Variants in HSPA4L observed in about 807,000 individuals in gnomAD.
The protein encoded by HSPA4L is heat shock 70 kDa protein 4L.
In HSPA4L, 48 loss-of-function variants were observed where a neutral mutation model predicts 100.3. That is an observed-to-expected ratio of 0.48 (90% CI 0.38 to 0.61). HSPA4L has a LOEUF of 0.61. Ranked by LOEUF, HSPA4L falls within the 20% of genes least tolerant of loss-of-function variation. The probability of loss-of-function intolerance (pLI) is 0.00; values close to 1 mark genes in which losing one functional copy is unlikely to be tolerated. For missense variants in HSPA4L, 886 were observed against 988.6 expected, an observed-to-expected ratio of 0.90 and a Z score of 1.39; for synonymous variants, 319 against 328.2, an observed-to-expected ratio of 0.97 and a Z score of 0.30.
In HSPA4L at chr4:127,832,799, A is replaced by G; in HGVS notation, c.2445A>G (p.Gly815=). The G allele has an allele frequency of 2.5e-6, 4 of 1,613,770 alleles. No homozygotes were observed. ...ATGGCCCAATGGATGGACAGAGTGG[A>G]ACTGAAACTAAATCAGATTCAACAA... ...EHNGPMDGQS[G]TETKSDSTKD... The change falls in exon 19 of 19, where the codon GGA becomes GGG. Residue 815 remains glycine, a synonymous_variant. Transcript: ENST00000296464.
At chr4:127,804,783 G>A (rs933990964) in intron 8 of HSPA4L, among the ~76,000 whole-genome samples, 7 of 152,076 alleles carry the variant, frequency 4.6e-5, no homozygotes, top group Admixed American at 2.0e-4. Context: ...TAGGGATTTA[G>A]GAGGTAGAAA....
chr4:127,786,334 A>C (rs1299791838), intron 1 of HSPA4L, among the ~76,000 whole-genome samples: 1 of 152,084 alleles, frequency 6.6e-6, no homozygotes, highest in East Asian at 1.9e-4. Context: ...AACTAGGTTA[A>C]TGATGAAAGG....
chr4:127,800,974 T>C (rs1427445119), intron 4 of HSPA4L, among the ~76,000 whole-genome samples, 164 bp from the exon 5 acceptor site: 2 of 152,222 alleles, frequency 1.3e-5, no homozygotes, highest in Non-Finnish European at 1.5e-5. Flanking sequence ...TTTTATGGTA[T>C]AGAAATTGTC....
chr4:127,803,296 A>G (rs966823865), intron 6 of HSPA4L, among the ~76,000 whole-genome samples: 10 of 151,886 alleles, frequency 6.6e-5, no homozygotes, highest in African/African-American at 1.9e-4. Context: ...GCTCTCTTAA[A>G]CTTGGTTTTG....
intron 8 of HSPA4L, 117 bp from the exon 9 acceptor site, chr4:127,804,956 T>C: frequency 1.6e-6 from 1 of 607,782 alleles, no homozygotes; most frequent in Non-Finnish European, 2.8e-6. Flanking sequence ...GTATTTTTCT[T>C]CCCTTTTATT....
intron 6 of HSPA4L, 103 bp downstream of exon 6, chr4:127,802,021 C>A: frequency 1.2e-6 from 1 of 826,446 alleles, no homozygotes; most frequent in Non-Finnish European, 1.8e-6. Context: ...TAAACTATGA[C>A]CTCAAGCAAG....
At chr4:127,806,395 C>T (rs937546980) in intron 10 of HSPA4L, among the ~76,000 whole-genome samples, 73 of 152,056 alleles carry the variant, frequency 4.8e-4, no homozygotes, top group Middle Eastern at 3.4e-3. Context: ...ATCTGTAAGA[C>T]AGCAGTGTAG....
intron 13 of HSPA4L, among the ~76,000 whole-genome samples, chr4:127,819,832 T>C (rs907591941): frequency 2.0e-5 from 3 of 152,226 alleles, no homozygotes; most frequent in Admixed American, 6.5e-5. Context: ...TAATACGGCA[T>C]TGTATGAATA....
intron 14 of HSPA4L, among the ~76,000 whole-genome samples, chr4:127,821,797 C>A (rs559992817): frequency 6.6e-6 from 1 of 152,116 alleles, no homozygotes; most frequent in South Asian, 2.1e-4. Context: ...TTATTAGCAG[C>A]CCTATGAGTT....
At chr4:127,802,864 T>C (rs116457539) in intron 6 of HSPA4L, among the ~76,000 whole-genome samples, 1,964 of 152,220 alleles carry the variant, frequency 0.013, 31 homozygotes, top group African/African-American at 0.04. Context: ...TCCTGTGATA[T>C]TTACCACCAT....
At chr4:127,786,601 GA>G (rs1015927112) in intron 1 of HSPA4L, among the ~76,000 whole-genome samples, 2 of 152,098 alleles carry the variant, frequency 1.3e-5, no homozygotes, top group African/African-American at 4.8e-5. Flanking sequence ...GAATAGCTAG[GA>G]CTACAGGTGC....
At chr4:127,814,129 A>G (rs1485486820) in intron 12 of HSPA4L, among the ~76,000 whole-genome samples, 2 of 151,586 alleles carry the variant, frequency 1.3e-5, no homozygotes, top group African/African-American at 2.4e-5. Context: ...GCTTTAAAGG[A>G]TGATTTCTGT....
intron 12 of HSPA4L, among the ~76,000 whole-genome samples, chr4:127,812,265 C>T (rs1452259687): frequency 3.3e-5 from 5 of 151,674 alleles, no homozygotes; most frequent in African/African-American, 9.7e-5. Flanking sequence ...AAAAATTAGC[C>T]GGGCGTGGTG....
intron 18 of HSPA4L, among the ~76,000 whole-genome samples, chr4:127,831,809 AT>A (rs1734090954): frequency 6.6e-6 from 1 of 151,948 alleles, no homozygotes; most frequent in South Asian, 2.1e-4. Context: ...ATTTCAGGGG[AT>A]TTTTAAAATA....
intron 15 of HSPA4L, among the ~76,000 whole-genome samples, chr4:127,823,292 G>A (rs1164951761): frequency 6.6e-6 from 1 of 152,018 alleles, no homozygotes; most frequent in Non-Finnish European, 1.5e-5. Context: ...GGGAATACAG[G>A]CACATGCCAT....
At chr4:127,828,055 A>G (rs1733992466) in intron 17 of HSPA4L, among the ~76,000 whole-genome samples, 1 of 152,060 alleles carries the variant, frequency 6.6e-6, no homozygotes, top group African/African-American at 2.4e-5. Flanking sequence ...AAGACAAACA[A>G]TATTTTAGGC....
chr4:127,827,481 G>A, intron 17 of HSPA4L, 57 bp downstream of exon 17: 3 of 1,589,726 alleles, frequency 1.9e-6, no homozygotes, highest in Non-Finnish European at 2.6e-6. Flanking sequence ...ACATAGAATG[G>A]GGCAAATCTA....
chr4:127,800,248 A>C (rs899673598), intron 4 of HSPA4L, among the ~76,000 whole-genome samples: 1 of 152,164 alleles, frequency 6.6e-6, no homozygotes, highest in Non-Finnish European at 1.5e-5. Flanking sequence ...GCTTGAGGCC[A>C]GTAGTTAACA....
At chr4:127,799,444 T>G (rs1198805687) in intron 4 of HSPA4L, among the ~76,000 whole-genome samples, 1 of 152,144 alleles carries the variant, frequency 6.6e-6, no homozygotes, top group Non-Finnish European at 1.5e-5. Flanking sequence ...AAGCAATCTA[T>G]AAGGTAGGGA....
Sources: gnomAD v4.1 joint callset for allele counts (sites outside exome capture counted in the v4.1 genomes callset) on GRCh38, gnomAD v4.1.1 for gene constraint, MANE v1.5 for transcripts, NCBI Gene and HGNC (gene_info 2026-07-23, HGNC 2026-07-21) for gene names.